Variants in DYTN observed in about 807,000 individuals in gnomAD.
DYTN encodes dystrotelin.
A neutral mutation model predicts 69.6 loss-of-function variants in DYTN; 75 were observed. The ratio of observed to expected loss-of-function variants is 1.08; its 90% CI spans 0.89 to 1.31. DYTN has a LOEUF of 1.31. DYTN is among the 50% of genes most tolerant of loss of function. The pLI is 0.00. For synonymous variants in DYTN, 252 were observed against 249.1 expected, an observed-to-expected ratio of 1.01 and a Z score of -0.11; for missense variants, 726 against 688.4, an observed-to-expected ratio of 1.05 and a Z score of -0.61.
intron 2 of DYTN, among the ~76,000 whole-genome samples, chr2:206,709,689 TA>T (rs971304924): frequency 6.6e-6 from 1 of 152,190 alleles, no homozygotes; most frequent in African/African-American, 2.4e-5. Context: ...AAAATATTTT[TA>T]AATGTCAGCC....
chr2:206,652,007 G>T, intron 11 of DYTN, 86 bp from the exon 12 acceptor site: 1 of 1,243,312 alleles, frequency 8.0e-7, no homozygotes, highest in Non-Finnish European at 1.1e-6. Flanking sequence ...ACATGGAGAA[G>T]AAACAGAATC....
At position 206,674,715 on chromosome 2, in the gene DYTN, T is replaced by C. The variant is rs1408905923; in HGVS notation, c.981-8686A>G. ...GTTTAAAGAATAATCTACAAACAAGTGTAGATTTTAGTTGCAGCAATGCCA... is the reference window on the plus strand; with the variant it reads ...GTTTAAAGAATAATCTACAAACAAGCGTAGATTTTAGTTGCAGCAATGCCA... On this transcript the variant is annotated intron_variant, in intron 9 of 11. Coordinates refer to ENST00000452335, the MANE Select transcript of DYTN (RefSeq NM_001093730.1). 2.6e-5 allele frequency among the ~76,000 whole-genome samples: 4 copies of C among 151,242 alleles called. No homozygotes were observed. The East Asian group carries it at 7.8e-4, about 29-fold the overall frequency.
At chr2:206,670,245 A>G (rs1053719165) in intron 9 of DYTN, among the ~76,000 whole-genome samples, 4 of 152,258 alleles carry the variant, frequency 2.6e-5, no homozygotes, top group Non-Finnish European at 5.9e-5. Context: ...TCCAAGGAAT[A>G]AAATCAGGCA....
intron 9 of DYTN, among the ~76,000 whole-genome samples, chr2:206,675,816 C>A (rs568882913): frequency 3.7e-4 from 57 of 152,172 alleles, no homozygotes; most frequent in African/African-American, 1.1e-3. Flanking sequence ...ATGTGGCCAA[C>A]AAACATGAAA....
chr2:206,669,568 A>T (rs1173450128), intron 9 of DYTN, among the ~76,000 whole-genome samples: 1 of 152,242 alleles, frequency 6.6e-6, no homozygotes, highest in African/African-American at 2.4e-5. Flanking sequence ...AATAGTAGAC[A>T]TGGATTATAT....
intron 9 of DYTN, among the ~76,000 whole-genome samples, chr2:206,691,110 A>G (rs1699857335): frequency 6.6e-6 from 1 of 152,128 alleles, no homozygotes; most frequent in Admixed American, 6.6e-5. Context: ...TAGCCAAAAG[A>G]AATGCAAATA....
intron 9 of DYTN, among the ~76,000 whole-genome samples, chr2:206,666,419 T>G (rs1699573181): frequency 6.6e-6 from 1 of 152,188 alleles, no homozygotes; most frequent in South Asian, 2.1e-4. Flanking sequence ...TGGATATGAT[T>G]CTACTAAGCA....
intron 7 of DYTN, among the ~76,000 whole-genome samples, chr2:206,696,627 T>A (rs1413144274): frequency 1.3e-5 from 2 of 152,120 alleles, no homozygotes; most frequent in African/African-American, 4.8e-5. Context: ...TTAAAGAGAG[T>A]TTAAGTAACT....
chr2:206,661,704 A>G (rs1016620427), intron 11 of DYTN, among the ~76,000 whole-genome samples: 12 of 152,170 alleles, frequency 7.9e-5, no homozygotes, highest in Non-Finnish European at 1.2e-4. Flanking sequence ...ATGACATGCA[A>G]AGTGTGTGTT....
intron 9 of DYTN, among the ~76,000 whole-genome samples, chr2:206,683,927 T>G (rs1398645560): frequency 1.3e-5 from 2 of 152,092 alleles, no homozygotes; most frequent in African/African-American, 4.8e-5. Flanking sequence ...CTGCCATCTC[T>G]CCAAGTCTTT....
In DYTN at chr2:206,662,910, C is replaced by T. The variant is rs372227236; in HGVS notation, c.1626G>A (p.Thr542=). 1.4e-5 allele frequency: 23 copies of T among 1,611,192 alleles called. No homozygotes were observed. The South Asian group carries it at 1.4e-4, about 10-fold the overall frequency. The stretch of plus-strand genomic sequence containing the variant: ...GGATTGTGAAAACCTTACCTGATGG[C>T]GTTTCTAGATTGAAGGCATCCATAA... ...SKLMDAFNLE[T]PSGPESSVNM... Residue 542 remains threonine (T), a synonymous_variant, in exon 11 of 12, where the codon ACG becomes ACA. Transcript: ENST00000452335.
intron 1 of DYTN, among the ~76,000 whole-genome samples, chr2:206,713,397 G>T (rs893554227): frequency 1.3e-5 from 2 of 152,122 alleles, no homozygotes; most frequent in Non-Finnish European, 2.9e-5. Context: ...TGCCACAATC[G>T]CTGAAGTATT....
chr2:206,680,021 T>C (rs1481689871), intron 9 of DYTN, among the ~76,000 whole-genome samples: 1 of 152,184 alleles, frequency 6.6e-6, no homozygotes, highest in Non-Finnish European at 1.5e-5. Context: ...AAGTCTGAGA[T>C]CAGAGTGCCA....
rs1487315396 is a variant in DYTN, at chr2:206,680,816, G to GT, written c.980+12358dup. Among the ~76,000 whole-genome samples the GT allele has an allele frequency of 3.9e-5, 6 of 152,118 alleles. 1 individual carries two copies. Among genetic ancestry groups the GT allele is most frequent in the Admixed American group, 3.3e-4 (5 of 15,252 alleles). On this transcript the variant is annotated intron_variant, in intron 9 of 11. Coordinates refer to ENST00000452335, the MANE Select transcript of DYTN (RefSeq NM_001093730.1). Reference sequence around the variant, plus strand: ...CCAATAATTCTCCCCTGTTGCACCAGTTCATCAGTTTTTCTATGAATTCAT... The same window carrying GT: ...CCAATAATTCTCCCCTGTTGCACCAGTTTCATCAGTTTTTCTATGAATTCAT...
chr2:206,693,122 C>G (rs1699882449), intron 9 of DYTN, 53 bp downstream of exon 9: 1 of 1,546,616 alleles, frequency 6.5e-7, no homozygotes, highest in African/African-American at 1.4e-5. Flanking sequence ...CCATAACACC[C>G]AGGGCCCTTG....
At chr2:206,661,688 A>AT (rs1307031140) in intron 11 of DYTN, among the ~76,000 whole-genome samples, 4 of 152,308 alleles carry the variant, frequency 2.6e-5, no homozygotes, top group East Asian at 3.9e-4. Flanking sequence ...GCAGTATATA[A>AT]TACATATGAC....
chr2:206,655,741 C>T (rs1355413578), intron 11 of DYTN, among the ~76,000 whole-genome samples: 2 of 151,982 alleles, frequency 1.3e-5, no homozygotes. Context: ...TCTTCCTTGA[C>T]CCACTGGTTG....
chr2:206,700,015 C>T (rs368895980), intron 6 of DYTN, 125 bp from the exon 7 acceptor site: 150 of 1,518,824 alleles, frequency 9.9e-5, no homozygotes, highest in East Asian at 2.1e-4. Flanking sequence ...GGAGGTGAGA[C>T]TACCTCCTAA....
chr2:206,670,801 A>C (rs990038325), intron 9 of DYTN, among the ~76,000 whole-genome samples: 1 of 152,202 alleles, frequency 6.6e-6, no homozygotes, highest in African/African-American at 2.4e-5. Context: ...AAATAACGTC[A>C]CAATAGTCTT....
Sources: allele counts gnomAD v4.1 joint callset (sites outside exome capture counted in the v4.1 genomes callset), GRCh38; gene constraint gnomAD v4.1.1; transcripts MANE v1.5; gene names NCBI Gene and HGNC (gene_info 2026-07-23, HGNC 2026-07-21).